OGFOD2: variants seen among roughly 807,000 people sequenced by gnomAD.
OGFOD2 encodes the protein 2-oxoglutarate and iron dependent oxygenase domain containing 2, also known as 2-oxoglutarate and iron-dependent oxygenase domain-containing protein 2.
In OGFOD2, 34 loss-of-function variants were observed where a neutral mutation model predicts 31.1. The observed-to-expected ratio is 1.09, with a 90% CI of 0.83 to 1.45. OGFOD2 has a LOEUF of 1.45. Among genes scored for constraint, OGFOD2 ranks in the 40% most tolerant of loss-of-function variants. The pLI is 0.00. For missense variants in OGFOD2, 537 were observed against 433.9 expected (o/e 1.24, Z -2.11); for synonymous variants, 240 against 192.3 (o/e 1.25, Z -2.05).
Position 122,978,422 on chromosome 12 carries a change from G to A in OGFOD2, c.404-20G>A. The A allele has an allele frequency of 3.7e-6, 6 of 1,611,976 alleles. No homozygotes were observed. Among genetic ancestry groups the A allele is most frequent in the Non-Finnish European group, 5.1e-6 (6 of 1,178,890 alleles). On this transcript the variant is annotated intron_variant, in intron 4 of 6. Coordinates refer to ENST00000228922, the Ensembl canonical transcript of OGFOD2. The stretch of plus-strand genomic sequence containing the variant: ...GCCCACGGCCACATTCAGGCCAACA[G>A]ACCATCCCTCCTTCCACAGAGGAGA...
chr12:122,975,984 C>G, intron 2 of OGFOD2, 117 bp downstream of exon 2: 2 of 654,152 alleles, frequency 3.1e-6, no homozygotes, highest in Non-Finnish European at 2.8e-6. Flanking sequence ...TAGGCCCTCA[C>G]TTTCCTCCTT....
At chr12:122,978,704 G>T in intron 5 of OGFOD2, 49 bp from the exon 6 acceptor site, 1 of 1,590,132 alleles carries the variant, frequency 6.3e-7, no homozygotes, top group South Asian at 1.1e-5. Context: ...TGGAAGCCCA[G>T]GGTTGCAGCC....
At chr12:122,975,283 G>C (rs1315907053) in exon 1 of OGFOD2, 3 of 693,730 alleles carry the variant, frequency 4.3e-6, no homozygotes, top group Admixed American at 4.0e-5. Flanking sequence ...CGGCACTTCT[G>C]CCGCTGCGCC....
chr12:122,975,197 G>A (rs1289224871), upstream of OGFOD2: 1 of 541,300 alleles, frequency 1.8e-6, no homozygotes. Flanking sequence ...TCCCGCGGTT[G>A]GGGGCGTGCC....
At chr12:122,975,459 C>A in intron 1 of OGFOD2, 76 bp downstream of exon 1, 2 of 611,182 alleles carry the variant, frequency 3.3e-6, no homozygotes, top group South Asian at 3.6e-5. Flanking sequence ...TCCCCAGGGT[C>A]GTTTGCTTTG....
At chr12:122,976,262 A>G in intron 2 of OGFOD2, 1 of 940,094 alleles carries the variant, frequency 1.1e-6, no homozygotes. Context: ...GGCTGCTGCC[A>G]GGGCTGCTGC....
In OGFOD2 at chr12:122,975,239, TG is replaced by T; in HGVS notation, c.-10del. ...CTCTCTACGGAAGCTGGTAGGGCTGTGGGTGCTTCACTATGGCGACGGTGGG... is the reference window on the plus strand; with the variant it reads ...CTCTCTACGGAAGCTGGTAGGGCTGTGGTGCTTCACTATGGCGACGGTGGG... On this transcript the variant is annotated 5_prime_UTR_variant, in exon 1 of 7. Transcript: ENST00000228922. 1.5e-6 allele frequency: 1 copy of T among 664,130 alleles called. No individual in the cohort carries two copies. Among genetic ancestry groups the T allele is most frequent in the Non-Finnish European group, 2.8e-6 (1 of 361,620 alleles). 41.1% of individuals were successfully genotyped at this position (664,130 alleles called of 1,614,324 possible).
At chr12:122,977,608 T>G (rs2037470859) in intron 4 of OGFOD2, 2 of 170,268 alleles carry the variant, frequency 1.2e-5, no homozygotes, top group African/African-American at 4.8e-5. Flanking sequence ...GACGATCAAG[T>G]GAGTTAATCT....
exon 7 of OGFOD2, chr12:122,979,524 T>C: frequency 1.3e-6 from 1 of 790,114 alleles, no homozygotes; most frequent in African/African-American, 1.7e-5. Flanking sequence ...AAGCAGGGTC[T>C]GGAATGGGGC....
intron 2 of OGFOD2, chr12:122,976,076 G>C (rs1442398590): frequency 3.3e-6 from 2 of 598,192 alleles, no homozygotes. Flanking sequence ...AAGTTGCCTA[G>C]TCATGCCGTT....
At chr12:122,975,837 C>T (rs1325173805) in exon 2 of OGFOD2, 2 of 702,990 alleles carry the variant, frequency 2.8e-6, no homozygotes, top group East Asian at 2.7e-5. Context: ...GCTGTGTTAG[C>T]GCCAAGGACT....
At chr12:122,978,333 AGCAAAGGCCTCATCTCCATG>A in intron 4 of OGFOD2, 89 bp from the exon 5 acceptor site, 2 of 1,401,158 alleles carry the variant, frequency 1.4e-6, no homozygotes, top group Non-Finnish European at 2.0e-6. Flanking sequence ...AGCCCTGAAA[AGCAAAGGCCTCATCTCCATG>A]GCACAGGTGA....
chr12:122,976,982 G>A lies in OGFOD2; in HGVS notation c.403+12G>A. ...GGAGACAGTATCGGGTGAGGTCCTG[G>A]CCCTGAGACCTGGCAGGACCAGGGA... On this transcript the variant is annotated intron_variant, in intron 4 of 6. Transcript: ENST00000228922. 2 of 1,610,792 alleles carry A rather than the reference G, an allele frequency of 1.2e-6. No homozygotes were observed. The highest frequency in any genetic ancestry group is 1.7e-6 in the Non-Finnish European group (2 of 1,178,034).
upstream of OGFOD2, chr12:122,975,105 G>A: frequency 1.9e-6 from 1 of 513,070 alleles, no homozygotes; most frequent in Non-Finnish European, 3.5e-6. Context: ...TTTCTCCGCA[G>A]ACCGTTTCCT....
intron 1 of OGFOD2, 30 bp from the exon 2 acceptor site, chr12:122,975,781 A>G (rs1338086900): frequency 2.9e-6 from 2 of 700,854 alleles, no homozygotes; most frequent in African/African-American, 3.5e-5. Context: ...CAGGTCATAC[A>G]GTCATGCTCA....
At chr12:122,978,899 G>A (rs201495114) in exon 6 of OGFOD2, 43 of 1,612,750 alleles carry the variant, frequency 2.7e-5, no homozygotes, top group Non-Finnish European at 3.3e-5. Context: ...AATACGCACC[G>A]GGCCAGGACC....
intron 4 of OGFOD2, chr12:122,977,434 C>T (rs1208161267): frequency 9.7e-6 from 2 of 206,356 alleles, no homozygotes; most frequent in Admixed American, 1.1e-4. Context: ...CCAAGTAGGG[C>T]AAAAAATGCC....
chr12:122,976,290 C>A, intron 2 of OGFOD2: 1 of 1,338,386 alleles, frequency 7.5e-7, no homozygotes, highest in African/African-American at 1.4e-5. Context: ...CCTCCTCCTC[C>A]TTCCCCTGGA....
At chr12:122,976,692 G>A in exon 3 of OGFOD2, 1 of 1,613,542 alleles carries the variant, frequency 6.2e-7, no homozygotes, top group South Asian at 1.1e-5. Flanking sequence ...GGCTGGGGCA[G>A]GAGTCAGCAG....
Sources: allele counts gnomAD v4.1 joint callset, GRCh38; gene constraint gnomAD v4.1.1; transcripts MANE v1.5; gene names NCBI Gene and HGNC (gene_info 2026-07-23, HGNC 2026-07-21).